CSMD1: variants seen among roughly 807,000 people sequenced by gnomAD.
CSMD1 encodes CUB and sushi domain-containing protein 1.
A neutral mutation model predicts 417.5 loss-of-function variants in CSMD1; 213 were observed. The ratio of observed to expected loss-of-function variants is 0.51; its 90% CI spans 0.46 to 0.57. CSMD1 has a LOEUF of 0.57. Ranked by LOEUF, CSMD1 falls within the 20% of genes least tolerant of loss-of-function variation. The pLI is 0.00. For missense variants in CSMD1, 6,923 were observed against 4,529.7 expected, an observed-to-expected ratio of 1.53 and a Z score of -15.17; for synonymous variants, 2,862 against 1,736.8, an observed-to-expected ratio of 1.65 and a Z score of -16.11.
At chr8:3,262,589 A>G (rs1801160566) in intron 26 of CSMD1, among the ~76,000 whole-genome samples, 1 of 152,050 alleles carries the variant, frequency 6.6e-6, no homozygotes, top group South Asian at 2.1e-4. Context: ...CCCTGTTAAA[A>G]CCTCTGAAAA....
intron 10 of CSMD1, among the ~76,000 whole-genome samples, chr8:3,530,977 T>G (rs1441176524): frequency 6.6e-6 from 1 of 151,788 alleles, no homozygotes; most frequent in Non-Finnish European, 1.5e-5. Flanking sequence ...CTCAGCTTCC[T>G]GAGTAGCTGG....
chr8:4,988,787 C>G (rs2977733), intron 1 of CSMD1, among the ~76,000 whole-genome samples: 104,670 of 152,184 alleles, frequency 0.69, 37,235 homozygotes, highest in African/African-American at 0.84. Flanking sequence ...GAAAAGAGAA[C>G]TGTTTCACAC....
Position 4,741,413 on chromosome 8 carries a change from G to T in CSMD1, c.86-103855C>A, listed in dbSNP as rs567971091. Among the ~76,000 whole-genome samples, 45 of 152,224 alleles carry T rather than the reference G, an allele frequency of 3.0e-4. No homozygotes were observed. In the South Asian group the frequency reaches 9.3e-3, roughly 32 times the overall value. ...CTTGCCACAAGATTAAATACTAAAT[G>T]ACCAGGAAATAACTGTTTTTATTTT... On this transcript the variant is annotated intron_variant, in intron 1 of 69. Transcript: ENST00000635120.
chr8:3,046,041 C>G (rs1811412115), intron 50 of CSMD1, among the ~76,000 whole-genome samples: 1 of 152,130 alleles, frequency 6.6e-6, no homozygotes, highest in Non-Finnish European at 1.5e-5. Context: ...CTTTATCATA[C>G]CTGACTTTTA....
At chr8:3,581,929 C>G (rs1017295185) in intron 9 of CSMD1, among the ~76,000 whole-genome samples, 8 of 152,218 alleles carry the variant, frequency 5.3e-5, no homozygotes, top group African/African-American at 1.9e-4. Flanking sequence ...CTCAGCCTCC[C>G]GAGTAGCTGG....
At chr8:4,591,493 G>A (rs988296046) in intron 2 of CSMD1, among the ~76,000 whole-genome samples, 6 of 152,176 alleles carry the variant, frequency 3.9e-5, no homozygotes, top group Non-Finnish European at 8.8e-5. Context: ...AACCTGCATG[G>A]TAGGTCCAGG....
In CSMD1 at chr8:4,788,185, G is replaced by A. The variant is rs148136195; in HGVS notation, c.86-150627C>T. The A allele has an allele frequency of 1.1e-3, 1,685 of 1,595,470 alleles. 19 individuals are homozygous for A. The African/African-American group carries it at 0.02, about 19-fold the overall frequency. On this transcript the variant is annotated intron_variant, in intron 1 of 69. Transcript: ENST00000635120. ...ATCAAGAAGGCCTGTGGAAATTTTG[G>A]CATTCCATGTGAACTTTGAGTAACA...
At chr8:4,113,117 C>G (rs572712248) in intron 3 of CSMD1, among the ~76,000 whole-genome samples, 5 of 152,136 alleles carry the variant, frequency 3.3e-5, no homozygotes, top group African/African-American at 4.8e-5. Context: ...TGTGTTCTTA[C>G]TGTTCCACTC....
At chr8:3,197,462 ATTTTTTT>A (rs10549384) in intron 33 of CSMD1, among the ~76,000 whole-genome samples, 3 of 114,930 alleles carry the variant, frequency 2.6e-5, no homozygotes, top group Non-Finnish European at 5.6e-5. Flanking sequence ...AGCTCAAATA[ATTTTTTT>A]TTTTTTTTTT....
intron 2 of CSMD1, among the ~76,000 whole-genome samples, chr8:4,635,660 C>A (rs1400725168): frequency 1.3e-5 from 2 of 152,068 alleles, no homozygotes; most frequent in Admixed American, 1.3e-4. Context: ...TGTAACTCTG[C>A]AGTTTTTATT....
intron 5 of CSMD1, among the ~76,000 whole-genome samples, chr8:3,793,936 C>G (rs1296752831): frequency 6.6e-6 from 1 of 152,138 alleles, no homozygotes; most frequent in African/African-American, 2.4e-5. Flanking sequence ...ATACTCTCCC[C>G]CAGAGCTGGG....
intron 40 of CSMD1, among the ~76,000 whole-genome samples, chr8:3,143,918 A>G (rs1044475046): frequency 6.6e-6 from 1 of 152,242 alleles, no homozygotes; most frequent in African/African-American, 2.4e-5. Flanking sequence ...CTTTGTAAAA[A>G]GGAAGAAAAA....
intron 3 of CSMD1, among the ~76,000 whole-genome samples, chr8:4,385,004 G>A (rs1261827645): frequency 6.6e-6 from 1 of 152,108 alleles, no homozygotes; most frequent in Admixed American, 6.6e-5. Context: ...TCGGCTCAAT[G>A]CAACCTCCGT....
chr8:4,804,495 A>T (rs531480873), intron 1 of CSMD1, among the ~76,000 whole-genome samples: 2 of 151,326 alleles, frequency 1.3e-5, no homozygotes, highest in South Asian at 4.2e-4. Flanking sequence ...TTCCTGACTG[A>T]CTTTATATTA....
chr8:3,384,538 G>C (rs960643386), intron 18 of CSMD1, among the ~76,000 whole-genome samples: 1 of 150,596 alleles, frequency 6.6e-6, no homozygotes, highest in African/African-American at 2.4e-5. Flanking sequence ...TACAACATGG[G>C]ACAGTCCTTC....
At chr8:3,547,734 G>C (rs1055670369) in intron 10 of CSMD1, among the ~76,000 whole-genome samples, 1 of 152,028 alleles carries the variant, frequency 6.6e-6, no homozygotes, top group Non-Finnish European at 1.5e-5. Context: ...ATCTTATTTT[G>C]GCTTGAGCTA....
intron 1 of CSMD1, among the ~76,000 whole-genome samples, chr8:4,944,405 G>C (rs760181320): frequency 2.0e-4 from 31 of 152,138 alleles, no homozygotes; most frequent in Non-Finnish European, 3.4e-4. Context: ...GATGGTTGTA[G>C]GAATTCTCTT....
At chr8:4,332,821 A>T (rs56341943) in intron 3 of CSMD1, among the ~76,000 whole-genome samples, 2 of 152,140 alleles carry the variant, frequency 1.3e-5, no homozygotes, top group African/African-American at 2.4e-5. Flanking sequence ...GTTTTCAGGG[A>T]AACTTTATTT....
intron 42 of CSMD1, among the ~76,000 whole-genome samples, chr8:3,111,661 A>C (rs1414986353): frequency 6.6e-6 from 1 of 151,984 alleles, no homozygotes; most frequent in Non-Finnish European, 1.5e-5. Context: ...GGGAAACCCT[A>C]ACTCTACTAA....
Sources: allele counts gnomAD v4.1 joint callset (sites outside exome capture counted in the v4.1 genomes callset), GRCh38; gene constraint gnomAD v4.1.1; transcripts MANE v1.5; gene names NCBI Gene and HGNC (gene_info 2026-07-23, HGNC 2026-07-21).